DOCK5: variants seen among roughly 807,000 people sequenced by gnomAD.
The protein encoded by DOCK5 is dedicator of cytokinesis protein 5.
Under a neutral mutation model 251.8 loss-of-function variants are expected in DOCK5, and 142 were observed. The observed-to-expected ratio is 0.56, with a 90% CI of 0.49 to 0.65. The LOEUF is 0.65. Ranked by LOEUF, DOCK5 falls within the 30% of genes least tolerant of loss-of-function variation. The pLI, the probability that DOCK5 is intolerant of heterozygous loss-of-function variation, is 0.00. For synonymous variants in DOCK5, 842 were observed against 835.5 expected (o/e 1.01, Z -0.13); for missense variants, 2,111 against 2,312.3 (o/e 0.91, Z 1.79).
At chr8:25,194,955 C>T (rs1801684998) in intron 1 of DOCK5, among the ~76,000 whole-genome samples, 1 of 151,772 alleles carries the variant, frequency 6.6e-6, no homozygotes, top group Non-Finnish European at 1.5e-5. Flanking sequence ...GAGTCTCGCT[C>T]TGTCGCCCAG....
At chr8:25,332,483 C>A in intron 19 of DOCK5, 120 bp from the exon 20 acceptor site, 3 of 1,193,596 alleles carry the variant, frequency 2.5e-6, no homozygotes, top group Non-Finnish European at 2.3e-6. Flanking sequence ...AACAAGTGTG[C>A]TAGTTTTTTA....
Position 25,304,683 on chromosome 8 carries a change from C to A in DOCK5, c.1049+356C>A, listed in dbSNP as rs564815842. On this transcript the variant is annotated intron_variant, in intron 11 of 51. Transcript: ENST00000276440. ...AGGCATCATGGATGACACGGAATCA[C>A]GTGGGCTAGCATAGGGCTTCTCAGA... is the stretch of plus-strand genomic sequence containing the variant. The A allele has an allele frequency of 8.6e-5, 16 of 185,526 alleles. No individual in the cohort carries two copies. The South Asian group carries it at 2.6e-3, about 30-fold the overall frequency. 11.5% of individuals were successfully genotyped at this position (185,526 alleles called of 1,614,324 possible). A position where few individuals can be genotyped will look rare whatever the true frequency, so the allele number is the denominator to read the frequency against.
intron 7 of DOCK5, among the ~76,000 whole-genome samples, 198 bp from the exon 8 acceptor site, chr8:25,298,746 G>C (rs1804681264): frequency 1.3e-5 from 2 of 151,876 alleles, no homozygotes; most frequent in Non-Finnish European, 2.9e-5. Flanking sequence ...AAATTTTTTT[G>C]TAGAGACAGA....
At chr8:25,304,575 T>G in intron 11 of DOCK5, 1 of 424,758 alleles carries the variant, frequency 2.4e-6, no homozygotes, top group Non-Finnish European at 4.2e-6. Context: ...AAAGGGCACA[T>G]ATCTGTCTGC....
chr8:25,199,605 A>T (rs1483546727), intron 1 of DOCK5, among the ~76,000 whole-genome samples: 6 of 151,382 alleles, frequency 4.0e-5, no homozygotes, highest in Non-Finnish European at 8.8e-5. Context: ...CTGGTCTTGA[A>T]CTCCTGACCT....
At chr8:25,217,849 A>G (rs536491348) in intron 1 of DOCK5, among the ~76,000 whole-genome samples, 173 of 152,352 alleles carry the variant, frequency 1.1e-3, no homozygotes, top group African/African-American at 4.1e-3. Context: ...GGGACATGTT[A>G]GTAACGACTC....
chr8:25,410,660 C>T (rs1321280177), intron 51 of DOCK5, among the ~76,000 whole-genome samples: 1 of 151,334 alleles, frequency 6.6e-6, no homozygotes, highest in Non-Finnish European at 1.5e-5. Context: ...TGGGGTCTCT[C>T]CATATTGCCC....
rs996222001 is a variant in DOCK5 at position 25,413,781 on chromosome 8, G to T, written c.*2483G>T. On this transcript the variant is annotated 3_prime_UTR_variant, in exon 52 of 52. Transcript: ENST00000276440. ...TTAATGGAAATAATAGCTCTCTCCT[G>T]CCTGAACAAAAGGGATTCCAGGTAG... 6.6e-6 allele frequency: 1 copy of T among 152,168 alleles called. No individual in the cohort carries two copies. 9.4% of individuals were successfully genotyped at this position (152,168 alleles called of 1,614,324 possible). A position where few individuals can be genotyped will look rare whatever the true frequency, so the allele number is the denominator to read the frequency against.
Position 25,415,157 on chromosome 8 carries a change from GTAA to G in DOCK5, c.*3864_*3866del, listed in dbSNP as rs1391079245. ...GGACATTAAAATTATGAATATGTCAGTAATAATCCAGCACACATTGAAATATTG... is the reference window on the plus strand; with the variant it reads ...GGACATTAAAATTATGAATATGTCAGTAATCCAGCACACATTGAAATATTG... On this transcript the variant is annotated 3_prime_UTR_variant, in exon 52 of 52. Coordinates refer to ENST00000276440, the MANE Select transcript of DOCK5 (RefSeq NM_024940.8). The G allele has an allele frequency of 2.0e-5, 3 of 152,182 alleles. No homozygotes were observed. The East Asian group carries it at 5.8e-4, about 29-fold the overall frequency. The allele number at this position is 152,182 out of a possible 1,614,324, so 9.4% of individuals were successfully genotyped here. A position where few individuals can be genotyped will look rare whatever the true frequency, so the allele number is the denominator to read the frequency against.
chr8:25,215,684 T>C (rs975405398), intron 1 of DOCK5, among the ~76,000 whole-genome samples: 6 of 152,136 alleles, frequency 3.9e-5, no homozygotes, highest in Non-Finnish European at 8.8e-5. Flanking sequence ...ACAGTATGTA[T>C]GATTAGAACA....
At chr8:25,347,637 T>G (rs150424754) in intron 26 of DOCK5, among the ~76,000 whole-genome samples, 2,858 of 152,294 alleles carry the variant, frequency 0.019, 36 homozygotes, top group Middle Eastern at 0.037. Flanking sequence ...ACCTGGCACA[T>G]TGGTTTAGCC....
chr8:25,275,066 G>A (rs781511141), intron 3 of DOCK5, among the ~76,000 whole-genome samples: 17 of 152,146 alleles, frequency 1.1e-4, no homozygotes, highest in Admixed American at 4.6e-4. Flanking sequence ...ATGGCAAGTA[G>A]CATCTGAGGG....
Position 25,403,539 on chromosome 8 carries a change from T to G in DOCK5, c.4927-19T>G, listed in dbSNP as rs566354294. On this transcript the variant is annotated intron_variant, in intron 47 of 51. Transcript: ENST00000276440. Reference sequence around the variant, plus strand: ...CTGGATTCCAGGTCCGCTAACCATGTGGAGTCATATGTTTTCAGCCACCCA... The same window carrying G: ...CTGGATTCCAGGTCCGCTAACCATGGGGAGTCATATGTTTTCAGCCACCCA... 25 of 1,612,806 alleles carry G rather than the reference T, an allele frequency of 1.6e-5. No individual in the cohort carries two copies. The highest frequency in any genetic ancestry group is 2.0e-5 in the Non-Finnish European group (24 of 1,179,262).
At chr8:25,380,262 T>C (rs1375112298) in intron 38 of DOCK5, 43 bp from the exon 39 acceptor site, 2 of 1,554,242 alleles carry the variant, frequency 1.3e-6, no homozygotes, top group Admixed American at 3.8e-5. Context: ...AATCAATGAC[T>C]GCCTTGTTCT....
chr8:25,196,868 G>A (rs7814486), intron 1 of DOCK5, among the ~76,000 whole-genome samples: 21,906 of 152,094 alleles, frequency 0.14, 2,577 homozygotes, highest in African/African-American at 0.33. Context: ...GAATTGAACC[G>A]TATGTCTGTG....
At chr8:25,361,003 T>C (rs1800668692) in intron 28 of DOCK5, among the ~76,000 whole-genome samples, 2 of 152,128 alleles carry the variant, frequency 1.3e-5, no homozygotes, top group Non-Finnish European at 2.9e-5. Context: ...TGCCTGAATT[T>C]AGTCCCCGGT....
intron 1 of DOCK5, among the ~76,000 whole-genome samples, chr8:25,219,280 T>C (rs181030442): frequency 1.8e-4 from 27 of 152,340 alleles, no homozygotes; most frequent in African/African-American, 6.3e-4. Flanking sequence ...GAGTTAATAA[T>C]TGCTTCATTT....
At chr8:25,364,501 CTG>C (rs1800742016) in intron 29 of DOCK5, 123 bp from the exon 30 acceptor site, 2 of 660,824 alleles carry the variant, frequency 3.0e-6, no homozygotes, top group Admixed American at 5.0e-5. Context: ...TGCAAGGACA[CTG>C]TTAGATTATG....
At chr8:25,377,561 G>A (rs374906235) in intron 38 of DOCK5, 137 bp downstream of exon 38, 90 of 1,139,938 alleles carry the variant, frequency 7.9e-5, no homozygotes, top group Admixed American at 3.2e-4. Flanking sequence ...GACTGCCCCC[G>A]CTTCAGATGC....
Sources: allele counts gnomAD v4.1 joint callset (sites outside exome capture counted in the v4.1 genomes callset), GRCh38; gene constraint gnomAD v4.1.1; transcripts MANE v1.5; gene names NCBI Gene and HGNC (gene_info 2026-07-23, HGNC 2026-07-21).